PHF24: variants seen among roughly 807,000 people sequenced by gnomAD.
PHF24 encodes Galpha inhibitory interacting protein.
Under a neutral mutation model 42.6 loss-of-function variants are expected in PHF24, and 25 were observed. That is an observed-to-expected ratio of 0.59 (90% CI 0.43 to 0.82). The LOEUF (loss-of-function observed/expected upper bound fraction) is 0.82. PHF24 is among the 40% of genes least tolerant of loss of function. The pLI is 0.00. For synonymous variants in PHF24, 185 were observed against 204.8 expected, an observed-to-expected ratio of 0.90 and a Z score of 0.83; for missense variants, 470 against 538.1, an observed-to-expected ratio of 0.87 and a Z score of 1.25.
chr9:34,841,466 C>A, the PHF24 span, among the ~76,000 whole-genome samples: 5,934 of 152,234 alleles, frequency 0.039, 297 homozygotes, highest in African/African-American at 0.1. Flanking sequence ...ACCACAGTTT[C>A]ATTTTTGTTG....
At chr9:34,800,464 A>C in the PHF24 span, among the ~76,000 whole-genome samples, 1 of 152,210 alleles carries the variant, frequency 6.6e-6, no homozygotes, top group African/African-American at 2.4e-5. Flanking sequence ...TGGTACCAAA[A>C]CAGATATATA....
chr9:34,939,029 C>G, the PHF24 span, among the ~76,000 whole-genome samples: 1 of 151,186 alleles, frequency 6.6e-6, no homozygotes, highest in Admixed American at 6.6e-5. Context: ...ACCTGTAATC[C>G]CAGCACTTTG....
the PHF24 span, among the ~76,000 whole-genome samples, chr9:34,928,709 G>A: frequency 6.6e-6 from 1 of 152,080 alleles, no homozygotes; most frequent in Non-Finnish European, 1.5e-5. Context: ...CTCTTCCCTG[G>A]GTACAGCTGG....
At chr9:34,743,400 T>C in the PHF24 span, among the ~76,000 whole-genome samples, 1 of 152,372 alleles carries the variant, frequency 6.6e-6, no homozygotes, top group East Asian at 1.9e-4. Context: ...AGCGTCTTCT[T>C]CCATTTCAGA....
chr9:34,785,228 G>A, the PHF24 span, among the ~76,000 whole-genome samples: 1 of 152,218 alleles, frequency 6.6e-6, no homozygotes, highest in Admixed American at 6.5e-5. Flanking sequence ...AGGGACAAAT[G>A]CTGTGTCCTC....
chr9:34,820,304 G>A, the PHF24 span, among the ~76,000 whole-genome samples: 5 of 151,934 alleles, frequency 3.3e-5, no homozygotes, highest in Non-Finnish European at 5.9e-5. Flanking sequence ...GTGAACACAG[G>A]AGTTTGTTAT....
the PHF24 span, among the ~76,000 whole-genome samples, chr9:34,906,643 CAAAAAAA>C: frequency 0.019 from 1,284 of 66,144 alleles, 16 homozygotes; most frequent in Non-Finnish European, 0.029. Context: ...GACTCCATCT[CAAAAAAA>C]AAAAAAAAAA....
chr9:34,795,146 A>G, the PHF24 span, among the ~76,000 whole-genome samples: 1 of 152,158 alleles, frequency 6.6e-6, no homozygotes, highest in Non-Finnish European at 1.5e-5. Flanking sequence ...ATCAGAAATC[A>G]TGGATTTCTT....
At chr9:34,757,951 G>C in the PHF24 span, among the ~76,000 whole-genome samples, 35 of 152,246 alleles carry the variant, frequency 2.3e-4, no homozygotes, top group Admixed American at 2.3e-3. Flanking sequence ...TACCTGGCAG[G>C]GGTGGTCCAT....
chr9:34,761,452 C>G, the PHF24 span, among the ~76,000 whole-genome samples: 1 of 151,952 alleles, frequency 6.6e-6, no homozygotes, highest in Non-Finnish European at 1.5e-5. Context: ...AGAAAGAGAG[C>G]AGATGATAAA....
At chr9:34,674,686 G>GA in the PHF24 span, among the ~76,000 whole-genome samples, 1 of 152,244 alleles carries the variant, frequency 6.6e-6, no homozygotes, top group African/African-American at 2.4e-5. Context: ...CATGAACAGG[G>GA]AGTGCCCTTG....
chr9:34,847,779 A>G, the PHF24 span, among the ~76,000 whole-genome samples: 10 of 152,146 alleles, frequency 6.6e-5, no homozygotes, highest in Admixed American at 6.6e-4. Context: ...AGTCCCATCA[A>G]TACCTAATTT....
chr9:34,719,369 A>G, the PHF24 span, among the ~76,000 whole-genome samples: 2 of 152,172 alleles, frequency 1.3e-5, no homozygotes, highest in Non-Finnish European at 2.9e-5. Flanking sequence ...TTTGTACTCT[A>G]CATGTGAATT....
At chr9:34,910,636 G>A in the PHF24 span, among the ~76,000 whole-genome samples, 1 of 151,968 alleles carries the variant, frequency 6.6e-6, no homozygotes, top group Non-Finnish European at 1.5e-5. Context: ...AAACTGTTAG[G>A]GTTTCTTTTT....
the PHF24 span, among the ~76,000 whole-genome samples, chr9:34,722,447 G>A: frequency 1.3e-5 from 2 of 152,142 alleles, no homozygotes; most frequent in African/African-American, 2.4e-5. Context: ...GTTTATTTTT[G>A]TATGGTTTGA....
the PHF24 span, chr9:34,689,839 T>A: frequency 6.2e-7 from 1 of 1,614,052 alleles, no homozygotes; most frequent in Non-Finnish European, 8.5e-7. This position sits in a 1 kb window ranked among gnomAD's most constrained non-coding sequence, Gnocchi z 4.1. Context: ...CGGCGCTTCA[T>A]CTAGAGGAGG....
the PHF24 span, among the ~76,000 whole-genome samples, chr9:34,783,295 G>C: frequency 6.6e-6 from 1 of 152,128 alleles, no homozygotes; most frequent in African/African-American, 2.4e-5. Context: ...GAAAGGGCCC[G>C]ATAACTTATT....
chr9:34,943,012 A>G, the PHF24 span, among the ~76,000 whole-genome samples: 2 of 152,082 alleles, frequency 1.3e-5, no homozygotes, highest in Admixed American at 1.3e-4. Flanking sequence ...TAAAAAAAGA[A>G]AGAAAAGAAT....
At chr9:34,757,496 T>G in the PHF24 span, among the ~76,000 whole-genome samples, 1,203 of 152,324 alleles carry the variant, frequency 7.9e-3, 10 homozygotes, top group Non-Finnish European at 0.014. Flanking sequence ...GGAGATTTCA[T>G]ATTTCCTTGC....
Sources: allele counts gnomAD v4.1 joint callset (sites outside exome capture counted in the v4.1 genomes callset), GRCh38; gene constraint gnomAD v4.1.1; non-coding constraint Gnocchi (gnomAD v3.1); transcripts MANE v1.5; gene names NCBI Gene and HGNC (gene_info 2026-07-23, HGNC 2026-07-21).